The following DISP1 variants were observed in gnomAD, a reference collection of about 807,000 sequenced individuals.
The protein encoded by DISP1 is dispatched RND transporter family member 1, also known as protein dispatched homolog 1.
A neutral mutation model predicts 37.3 loss-of-function variants in DISP1; 30 were observed. The observed-to-expected ratio is 0.80, with a 90% confidence interval of 0.60 to 1.09. The LOEUF (loss-of-function observed/expected upper bound fraction) is 1.09, where lower values mean the gene tolerates loss of function less well. Among genes scored for constraint, DISP1 ranks in the 50% least tolerant of loss-of-function variants. The pLI, the probability that DISP1 is intolerant of heterozygous loss-of-function variation, is 0.00. For missense variants in DISP1, 1,598 were observed against 1,879.5 expected (o/e 0.85, Z 2.77); for synonymous variants, 634 against 690.2 (o/e 0.92, Z 1.28).
In DISP1 at chr1:223,005,416, G is replaced by A; in HGVS notation, c.4019G>A (p.Gly1340Asp). 6.2e-7 allele frequency: 1 copy of A among 1,613,560 alleles called. No individual in the cohort carries two copies. The highest frequency in any genetic ancestry group is 8.5e-7 in the Non-Finnish European group (1 of 1,180,034). Reference sequence around the variant, plus strand: ...ATCCACCACTGTCCCTGCCTGCAGGGCAGAGTAAAGCCAGCCGGAATGCAG... The same window carrying A: ...ATCCACCACTGTCCCTGCCTGCAGGACAGAGTAAAGCCAGCCGGAATGCAG... The part of the protein sequence containing the change: ...THIHHCPCLQ[G>D]RVKPAGMQNS... The change falls in exon 9 of 9, where the codon GGC becomes GAC. Residue 1340 changes from glycine to aspartate, a missense_variant. Coordinates refer to ENST00000675850, the MANE Select transcript of DISP1 (RefSeq NM_001377229.1).
chr1:222,891,678 G>A (rs1294510357), intron 1 of DISP1, among the ~76,000 whole-genome samples: 1 of 152,112 alleles, frequency 6.6e-6, no homozygotes, highest in Non-Finnish European at 1.5e-5. Flanking sequence ...GGAGGGATTG[G>A]TTGATGGCAT....
At chr1:222,838,057 A>T (rs1667353550) in intron 1 of DISP1, among the ~76,000 whole-genome samples, 1 of 152,074 alleles carries the variant, frequency 6.6e-6, no homozygotes, top group African/African-American at 2.4e-5. Context: ...TGCCATTTAA[A>T]TTTTTTTCCC....
In DISP1 at chr1:223,004,630, G is replaced by A. The variant is rs150111973; in HGVS notation, c.3233G>A (p.Arg1078His). ...GGCAAAGTGATCTTCTCTCTGAGTCGCGTGGGCTCTGCGATGGCCATGGCT... is the reference window on the plus strand; with the variant it reads ...GGCAAAGTGATCTTCTCTCTGAGTCACGTGGGCTCTGCGATGGCCATGGCT... ...REGKVIFSLS[R>H]VGSAMAMAAL... The change falls in exon 9 of 9, where the codon CGC becomes CAC. Residue 1078 changes from arginine (R) to histidine (H), a missense_variant. Coordinates refer to ENST00000675850, the MANE Select transcript of DISP1 (RefSeq NM_001377229.1). This position sits in a 1 kb window ranked among gnomAD's most constrained non-coding sequence, Gnocchi z 4.9. 608 of 1,613,926 alleles carry A rather than the reference G, an allele frequency of 3.8e-4. No homozygotes were observed. The highest frequency in any genetic ancestry group is 4.9e-4 in the South Asian group (45 of 91,056).
At chr1:222,919,340 C>T (rs34885545) in intron 1 of DISP1, among the ~76,000 whole-genome samples, 1 of 150,826 alleles carries the variant, frequency 6.6e-6, no homozygotes, top group Non-Finnish European at 1.5e-5. Context: ...AGTCACGCCC[C>T]GAGCGCAGTG....
intron 3 of DISP1, among the ~76,000 whole-genome samples, chr1:222,972,589 G>T (rs1323854678): frequency 6.6e-6 from 1 of 151,970 alleles, no homozygotes; most frequent in African/African-American, 2.4e-5. Context: ...TTGCTTATAG[G>T]TATTGACACA....
At chr1:222,846,312 C>T (rs1469108375) in intron 1 of DISP1, among the ~76,000 whole-genome samples, 4 of 152,024 alleles carry the variant, frequency 2.6e-5, no homozygotes, top group Admixed American at 2.0e-4. Flanking sequence ...GCCAACACGG[C>T]AAAACCCCGT....
chr1:222,854,053 T>C (rs1175067594), intron 1 of DISP1, among the ~76,000 whole-genome samples: 1 of 152,196 alleles, frequency 6.6e-6, no homozygotes. Context: ...TTTTTGTGCC[T>C]TGAAACATAT....
chr1:222,991,698 G>A, intron 6 of DISP1, 51 bp downstream of exon 6: 1 of 1,571,020 alleles, frequency 6.4e-7, no homozygotes, highest in African/African-American at 1.4e-5. Flanking sequence ...ATTGCTGAAT[G>A]AATTCCTCTT....
chr1:223,005,110 A>G lies in DISP1; in HGVS notation c.3713A>G (p.Glu1238Gly). ...GMPVHAAYNS[E>G]LSKSTESDAG... The stretch of plus-strand genomic sequence containing the variant: ...CCTGTGCATGCAGCTTACAACAGTG[A>G]ACTCAGCAAAAGCACTGAAAGTGAC... The change falls in exon 9 of 9, where the codon GAA becomes GGA. Residue 1238 changes from glutamate to glycine, a missense_variant. Transcript: ENST00000675850. 1 of 1,614,204 alleles carries G rather than the reference A, an allele frequency of 6.2e-7. No homozygotes were observed. The highest frequency in any genetic ancestry group is 1.6e-4 in the Middle Eastern group (1 of 6,062).
intron 3 of DISP1, among the ~76,000 whole-genome samples, chr1:222,944,627 C>A (rs1185946570): frequency 1.3e-5 from 2 of 152,160 alleles, no homozygotes; most frequent in Non-Finnish European, 2.9e-5. Context: ...TTCCTTCATG[C>A]CCTTTCTCAG....
intron 3 of DISP1, among the ~76,000 whole-genome samples, chr1:222,971,909 G>A (rs968558069): frequency 2.0e-5 from 3 of 152,070 alleles, no homozygotes; most frequent in African/African-American, 7.2e-5. Context: ...AGAAATGTGT[G>A]TGTATCTTAA....
chr1:222,974,747 A>G (rs182489014), intron 3 of DISP1, among the ~76,000 whole-genome samples: 111 of 152,340 alleles, frequency 7.3e-4, no homozygotes, highest in African/African-American at 2.5e-3. Context: ...TTAGAGGCCA[A>G]GCTTAGCTTG....
At chr1:222,843,862 C>T (rs550331580) in intron 1 of DISP1, among the ~76,000 whole-genome samples, 12 of 152,182 alleles carry the variant, frequency 7.9e-5, no homozygotes, top group Middle Eastern at 6.8e-3. Flanking sequence ...CATTAAAAGA[C>T]GCAAAAGCCC....
chr1:222,992,205 AGT>A, intron 7 of DISP1, 95 bp downstream of exon 7: 1 of 1,009,674 alleles, frequency 9.9e-7, no homozygotes, highest in Non-Finnish European at 1.6e-6. Flanking sequence ...GTGTGTGGCT[AGT>A]CACACAGCTT....
chr1:222,829,585 G>A (rs1014658959), intron 1 of DISP1, among the ~76,000 whole-genome samples: 2 of 151,790 alleles, frequency 1.3e-5, no homozygotes, highest in East Asian at 1.9e-4. Flanking sequence ...GATTACAGGC[G>A]TGCACCACCA....
chr1:222,914,171 A>T (rs1672366205), intron 1 of DISP1, among the ~76,000 whole-genome samples: 1 of 152,180 alleles, frequency 6.6e-6, no homozygotes, highest in Non-Finnish European at 1.5e-5. Flanking sequence ...CTTTGTCAAA[A>T]TAAAAACTCC....
intron 1 of DISP1, among the ~76,000 whole-genome samples, chr1:222,858,255 G>T (rs1261357489): frequency 6.6e-6 from 1 of 152,066 alleles, no homozygotes; most frequent in Non-Finnish European, 1.5e-5. Context: ...AGCCCTAAAA[G>T]AAAGTCTAGT....
chr1:222,820,957 A>G (rs1042961745), intron 1 of DISP1, among the ~76,000 whole-genome samples: 1 of 151,816 alleles, frequency 6.6e-6, no homozygotes, highest in Non-Finnish European at 1.5e-5. Flanking sequence ...TTATTTTTTT[A>G]AACTTATTTT....
chr1:222,900,784 C>G (rs1475455241), intron 1 of DISP1, among the ~76,000 whole-genome samples: 1 of 152,100 alleles, frequency 6.6e-6, no homozygotes, highest in African/African-American at 2.4e-5. Flanking sequence ...ATAAAGTTAG[C>G]TATTATTTTT....
Sources: allele counts gnomAD v4.1 joint callset (sites outside exome capture counted in the v4.1 genomes callset), GRCh38; gene constraint gnomAD v4.1.1; non-coding constraint Gnocchi (gnomAD v3.1); transcripts MANE v1.5; gene names NCBI Gene and HGNC (gene_info 2026-07-23, HGNC 2026-07-21).